Variants in NELL1 observed in about 807,000 individuals in gnomAD.
The protein encoded by NELL1 is neural EGFL like 1.
In NELL1, 76 loss-of-function variants were observed where a neutral mutation model predicts 107.4. The ratio of observed to expected loss-of-function variants is 0.71; its 90% CI spans 0.59 to 0.86. NELL1 has a LOEUF of 0.86. NELL1 is among the 40% of genes least tolerant of loss of function. The probability of loss-of-function intolerance (pLI) is 0.00; values close to 1 mark genes in which losing one functional copy is unlikely to be tolerated. For missense variants in NELL1, 1,024 were observed against 1,005.5 expected (o/e 1.02, Z -0.25); for synonymous variants, 353 against 341.2 (o/e 1.03, Z -0.38).
At chr11:21,556,970 C>T (rs1856729292) in intron 16 of NELL1, among the ~76,000 whole-genome samples, 1 of 151,864 alleles carries the variant, frequency 6.6e-6, no homozygotes, top group Non-Finnish European at 1.5e-5. Context: ...GTAAGTCTCA[C>T]GGGTGAATAA....
intron 13 of NELL1, among the ~76,000 whole-genome samples, chr11:21,134,292 C>A (rs1392747970): frequency 6.6e-6 from 1 of 152,116 alleles, no homozygotes; most frequent in East Asian, 1.9e-4. Flanking sequence ...ATCTCTGGAG[C>A]TGTGAAATAG....
chr11:20,729,678 A>G (rs1417142551), intron 2 of NELL1, among the ~76,000 whole-genome samples: 3 of 152,150 alleles, frequency 2.0e-5, no homozygotes. Context: ...TCATCTATCC[A>G]TCCATTCATC....
intron 4 of NELL1, 119 bp from the exon 5 acceptor site, chr11:20,885,325 G>T: frequency 1.5e-6 from 1 of 676,384 alleles, no homozygotes. Flanking sequence ...TGTAAAGTGT[G>T]CCACATATTG....
At chr11:21,028,522 C>A (rs934435077) in intron 12 of NELL1, among the ~76,000 whole-genome samples, 3 of 152,082 alleles carry the variant, frequency 2.0e-5, no homozygotes, top group Admixed American at 6.6e-5. Context: ...GCTAGGATTG[C>A]CAAAGCAGTT....
At chr11:21,005,573 T>C (rs1233032084) in intron 12 of NELL1, among the ~76,000 whole-genome samples, 1 of 152,180 alleles carries the variant, frequency 6.6e-6, no homozygotes, top group Non-Finnish European at 1.5e-5. Context: ...GGGTAGCATG[T>C]ATTTCCAATC....
chr11:20,820,608 C>T (rs2134024018), intron 3 of NELL1, among the ~76,000 whole-genome samples: 1 of 152,254 alleles, frequency 6.6e-6, no homozygotes, highest in Non-Finnish European at 1.5e-5. Context: ...TCATCTCCTG[C>T]CCCTACTACA....
intron 4 of NELL1, among the ~76,000 whole-genome samples, chr11:20,856,712 C>G (rs552721964): frequency 1.1e-4 from 16 of 152,316 alleles, no homozygotes; most frequent in Middle Eastern, 3.4e-3. Flanking sequence ...TGGGGAAATG[C>G]TGATTCAAAT....
chr11:20,704,788 T>C (rs1018576041), intron 2 of NELL1, among the ~76,000 whole-genome samples: 2 of 152,126 alleles, frequency 1.3e-5, no homozygotes, highest in Non-Finnish European at 2.9e-5. Flanking sequence ...GGATATGAAA[T>C]TCTGGGTTGA....
At chr11:21,142,098 T>A (rs1565080371) in intron 13 of NELL1, among the ~76,000 whole-genome samples, 1 of 152,114 alleles carries the variant, frequency 6.6e-6, no homozygotes, top group Non-Finnish European at 1.5e-5. Flanking sequence ...CTCCTATCAA[T>A]CTTGAGTAAA....
rs182408790 is a variant in NELL1 at position 21,119,260 on chromosome 11, A to G, written c.1426+5546A>G. Among the ~76,000 whole-genome samples the G allele has an allele frequency of 7.6e-4, 115 of 152,062 alleles. 2 individuals carry two copies. Among genetic ancestry groups the G allele is most frequent in the Non-Finnish European group, 1.5e-4 (10 of 67,936 alleles). ...TAGTCTTTCCCAATTCTGTGCTGAC[A>G]GCCATGGTCCTTTCAGAAGACTACA... On this transcript the variant is annotated intron_variant, in intron 13 of 19. Coordinates refer to ENST00000357134, the MANE Select transcript of NELL1 (RefSeq NM_006157.5).
rs573239772 is a variant in NELL1 at position 20,697,262 on chromosome 11, C to T, written c.184+19202C>T. On this transcript the variant is annotated intron_variant, in intron 2 of 19. Coordinates refer to ENST00000357134, the MANE Select transcript of NELL1 (RefSeq NM_006157.5). ...GCTTTGAGTGGTACTCAGAGGAGAT[C>T]TGAGAGTTTGAAACTATACTTCTCC... is the stretch of plus-strand genomic sequence containing the variant. Among the ~76,000 whole-genome samples, 100 of 152,074 alleles carry T rather than the reference C, an allele frequency of 6.6e-4. 1 individual carries two copies. The Middle Eastern group carries it at 0.01, about 16-fold the overall frequency.
At chr11:21,109,073 G>T (rs940441117) in intron 12 of NELL1, among the ~76,000 whole-genome samples, 1 of 152,046 alleles carries the variant, frequency 6.6e-6, no homozygotes, top group Non-Finnish European at 1.5e-5. Context: ...TACTGATTTT[G>T]TACTTGGGCA....
At chr11:21,200,815 G>A (rs762519651) in intron 13 of NELL1, among the ~76,000 whole-genome samples, 1 of 152,170 alleles carries the variant, frequency 6.6e-6, no homozygotes, top group African/African-American at 2.4e-5. Context: ...TTTGTATAAG[G>A]TGTAAGGAAG....
At chr11:21,566,308 T>C (rs185894592) in intron 17 of NELL1, among the ~76,000 whole-genome samples, 3 of 152,000 alleles carry the variant, frequency 2.0e-5, no homozygotes, top group African/African-American at 7.2e-5. Context: ...ATGAGTGATA[T>C]TATGTAATCT....
chr11:20,776,034 T>C (rs1191898745), intron 2 of NELL1, among the ~76,000 whole-genome samples: 3 of 152,242 alleles, frequency 2.0e-5, no homozygotes, highest in African/African-American at 7.2e-5. Flanking sequence ...AGATGTAGTT[T>C]ATTAATGTGA....
intron 9 of NELL1, 78 bp downstream of exon 9, chr11:20,928,557 C>A: frequency 8.9e-7 from 1 of 1,124,014 alleles, no homozygotes; most frequent in South Asian, 1.3e-5. Context: ...TTTCTGGACT[C>A]AACTGATTGA....
intron 6 of NELL1, among the ~76,000 whole-genome samples, 161 bp from the exon 7 acceptor site, chr11:20,919,091 C>T (rs912316032): frequency 2.6e-5 from 4 of 151,940 alleles, no homozygotes; most frequent in Admixed American, 2.6e-4. Flanking sequence ...AGGAAAAGAT[C>T]CAGACCTGAA....
chr11:21,350,829 C>A (rs547510755), intron 14 of NELL1, among the ~76,000 whole-genome samples: 1 of 152,140 alleles, frequency 6.6e-6, no homozygotes, highest in Admixed American at 6.5e-5. Context: ...AACAAAGATT[C>A]CCTGGAGGAA....
intron 15 of NELL1, among the ~76,000 whole-genome samples, chr11:21,387,658 A>G (rs564594441): frequency 3.2e-4 from 48 of 151,952 alleles, no homozygotes; most frequent in Admixed American, 8.5e-4. Flanking sequence ...GCAAGGCTGA[A>G]TACAACAAAA....
Sources: allele counts gnomAD v4.1 joint callset (sites outside exome capture counted in the v4.1 genomes callset), GRCh38; gene constraint gnomAD v4.1.1; transcripts MANE v1.5; gene names NCBI Gene and HGNC (gene_info 2026-07-23, HGNC 2026-07-21).